The following SEC13 variants were observed in gnomAD, a reference collection of about 807,000 sequenced individuals.
SEC13 encodes the protein SEC13 homolog, nuclear pore and COPII component.
A neutral mutation model predicts 49.2 loss-of-function variants in SEC13; 25 were observed. The observed-to-expected ratio is 0.51, with a 90% CI of 0.37 to 0.71. SEC13 has a LOEUF of 0.71. Ranked by LOEUF, SEC13 falls within the 30% of genes least tolerant of loss-of-function variation. The pLI, the probability that SEC13 is intolerant of heterozygous loss-of-function variation, is 0.00. For synonymous variants in SEC13, 148 were observed against 163.9 expected (o/e 0.90, Z 0.74); for missense variants, 383 against 417.6 (o/e 0.92, Z 0.72).
Position 10,301,294 on chromosome 3 carries a change from T to C in SEC13, c.936A>G (p.Ala312=), listed in dbSNP as rs2125235355. The C allele has an allele frequency of 6.2e-7, 1 of 1,614,176 alleles. No homozygotes were observed. Among genetic ancestry groups the C allele is most frequent in the African/African-American group, 1.3e-5 (1 of 75,042 alleles). ...DVNKGQGSVS[A]SVTEGQQNEQ is the part of the protein sequence containing the mutation. ...CGTTCTGCTGGCCCTCTGTCACTGA[T>C]GCTGATACGGAGCCCTGGCCCTTGT... The change falls in exon 9 of 9, where the codon GCA becomes GCG. Residue 312 remains alanine (A), a synonymous_variant. Transcript: ENST00000350697.
In SEC13 at chr3:10,315,407, G is replaced by A; in HGVS notation, c.78C>T (p.Thr26=). The part of the protein sequence containing the change: ...IHDAQMDYYG[T]RLATCSSDRS... ...TGTCTGATGAGCAGGTTGCCAGGCG[G>A]GTGCCATAGTAGTCCATCTGGGCGT... is the stretch of plus-strand genomic sequence containing the variant. The change falls in exon 3 of 9, where the codon ACC becomes ACT. Residue 26 remains threonine, a synonymous_variant. Transcript: ENST00000350697. 1 of 1,493,726 alleles carries A rather than the reference G, an allele frequency of 6.7e-7. No individual in the cohort carries two copies. Among genetic ancestry groups the A allele is most frequent in the South Asian group, 1.1e-5 (1 of 89,596 alleles). The allele number at this position is 1,493,726 out of a possible 1,614,324, so 92.5% of individuals were successfully genotyped here.
chr3:10,310,223 G>A (rs1338113052), intron 5 of SEC13, among the ~76,000 whole-genome samples: 1 of 152,206 alleles, frequency 6.6e-6, no homozygotes, highest in Admixed American at 6.5e-5. Flanking sequence ...GGGTGTGGTG[G>A]CTTACACCTG....
chr3:10,312,995 G>T, intron 3 of SEC13: 1 of 419,814 alleles, frequency 2.4e-6, no homozygotes, highest in South Asian at 3.4e-5. Context: ...GGCCAGGCAG[G>T]AGCCTCACTT....
In SEC13 at chr3:10,301,050, C is replaced by T. The variant is rs1574855727; in HGVS notation, c.*211G>A. ...TTTGAACATCACTTGTAGTTTCTTC[C>T]TCGTAACATGAGTGCTTTCAGCTGG... On this transcript the variant is annotated 3_prime_UTR_variant, in exon 9 of 9. Coordinates refer to ENST00000350697, the MANE Select transcript of SEC13 (RefSeq NM_183352.3). 8 of 1,601,118 alleles carry T rather than the reference C, an allele frequency of 5.0e-6. No homozygotes were observed. The highest frequency in any genetic ancestry group is 4.3e-6 in the Non-Finnish European group (5 of 1,172,852).
chr3:10,305,586 C>T lies in SEC13; in HGVS notation c.557G>A (p.Gly186Asp). 6.2e-7 allele frequency: 1 copy of T among 1,614,090 alleles called. No homozygotes were observed. Among genetic ancestry groups the T allele is most frequent in the Non-Finnish European group, 8.5e-7 (1 of 1,180,020 alleles). The change falls in exon 6 of 9, where the codon GGC (glycine) becomes GAC (aspartate). Residue 186 changes from glycine to aspartate, a missense_variant. Transcript: ENST00000350697. ...CCACAGCTTGATGAGGTTGTCACAG[C>T]CACCTGATGCAAACCTCTTGATGTA... ...PNYIKRFASG[G>D]CDNLIKLWKE... is the part of the protein sequence containing the mutation.
intron 1 of SEC13, chr3:10,320,649 C>T: frequency 9.7e-7 from 1 of 1,027,282 alleles, no homozygotes; most frequent in Non-Finnish European, 1.2e-6. Context: ...CGTCTCCGAA[C>T]CTCAAGTGTC....
rs1574899511 is a variant in SEC13 at position 10,320,655 on chromosome 3, G to A, written c.3+395C>T. 7 of 1,035,946 alleles carry A rather than the reference G, an allele frequency of 6.8e-6. No homozygotes were observed. The East Asian group carries it at 5.5e-4, about 81-fold the overall frequency. 64.2% of individuals were successfully genotyped at this position (1,035,946 alleles called of 1,614,324 possible). ...GAGGCTCCACGTCTCCGAACCTCAA[G>A]TGTCCTCATCTGTAAAGTGTTGAGA... On this transcript the variant is annotated intron_variant, in intron 1 of 8. Transcript: ENST00000350697.
intron 1 of SEC13, 139 bp downstream of exon 1, chr3:10,320,911 G>C: frequency 1.4e-6 from 2 of 1,480,008 alleles, no homozygotes; most frequent in Non-Finnish European, 1.8e-6. Context: ...GACGGGGCCA[G>C]AGCCCCCCAA....
At chr3:10,311,834 G>A in intron 5 of SEC13, 131 bp downstream of exon 5, 2 of 1,573,496 alleles carry the variant, frequency 1.3e-6, no homozygotes, top group Non-Finnish European at 1.7e-6. Flanking sequence ...GAGCAATCAT[G>A]TCTGGTCAGC....
chr3:10,309,072 A>G (rs1701083745), intron 5 of SEC13, among the ~76,000 whole-genome samples: 2 of 150,362 alleles, frequency 1.3e-5, no homozygotes, highest in Admixed American at 6.7e-5. Flanking sequence ...CGAGTAGCTG[A>G]GATTACAGGT....
At chr3:10,305,334 G>T in intron 6 of SEC13, 178 bp from the exon 7 acceptor site, 1 of 1,132,040 alleles carries the variant, frequency 8.8e-7, no homozygotes, top group Non-Finnish European at 1.2e-6. Flanking sequence ...TCCAGAAAAT[G>T]CTCTGCTTCC....
At position 10,321,007 on chromosome 3, in the gene SEC13, C is replaced by G; in HGVS notation, c.3+43G>C. The G allele has an allele frequency of 6.2e-7, 1 of 1,608,996 alleles. No individual in the cohort carries two copies. The highest frequency in any genetic ancestry group is 1.1e-5 in the South Asian group (1 of 90,112). ...CCGAGGAACCCGTGAAGGCCGCGAC[C>G]GTGGCCTTCACCCTGCTAGGCCTCC... On this transcript the variant is annotated intron_variant, in intron 1 of 8. Coordinates refer to ENST00000350697, the MANE Select transcript of SEC13 (RefSeq NM_183352.3). The surrounding 1 kb of genome is among the most constrained non-coding windows in gnomAD (Gnocchi z 4.1).
intron 1 of SEC13, among the ~76,000 whole-genome samples, chr3:10,320,083 C>G (rs976596154): frequency 6.6e-6 from 1 of 152,116 alleles, no homozygotes; most frequent in Middle Eastern, 3.4e-3. Context: ...CCTGTTAACA[C>G]CTGCACTCAA....
Position 10,305,541 on chromosome 3 carries a change from C to T in SEC13, c.584+18G>A, listed in dbSNP as rs779539850. The T allele has an allele frequency of 6.2e-7, 1 of 1,612,392 alleles. No homozygotes were observed. The highest frequency in any genetic ancestry group is 1.1e-5 in the South Asian group (1 of 90,984). On this transcript the variant is annotated intron_variant, in intron 6 of 8. Coordinates refer to ENST00000350697, the MANE Select transcript of SEC13 (RefSeq NM_183352.3). Reference sequence around the variant, plus strand: ...TAGAAGTGTCCCCTCAAAGAGAAGGCCACACATCCCTACTTACTTCCACAG... The same window carrying T: ...TAGAAGTGTCCCCTCAAAGAGAAGGTCACACATCCCTACTTACTTCCACAG...
chr3:10,300,973 C>T lies in SEC13; in HGVS notation c.*288G>A. 1 of 1,079,484 alleles carries T rather than the reference C, an allele frequency of 9.3e-7. No individual in the cohort carries two copies. The highest frequency in any genetic ancestry group is 2.6e-5 in the East Asian group (1 of 38,552). The allele number at this position is 1,079,484 out of a possible 1,614,324, so 66.9% of individuals were successfully genotyped here. A position where few individuals can be genotyped will look rare whatever the true frequency, so the allele number is the denominator to read the frequency against. On this transcript the variant is annotated 3_prime_UTR_variant, in exon 9 of 9. Coordinates refer to ENST00000350697, the MANE Select transcript of SEC13 (RefSeq NM_183352.3). ...TTATTTAGTTCCTTTGGAAACAAAACCCCCCAAATAATGCCTGAACCCAAA... is the reference window on the plus strand; with the variant it reads ...TTATTTAGTTCCTTTGGAAACAAAATCCCCCAAATAATGCCTGAACCCAAA...
rs11540906 is a variant in SEC13, at chr3:10,312,003, C to T, written c.412G>A (p.Gly138Ser). ...TTGATCTTCTTTACTTCCCATTGGC[C>T]TTCCCCGGTGTAAGTCAGCAGGGAG... ...AISLLTYTGE[G>S]QWEVKKINNA... The change falls in exon 5 of 9, where the codon GGC (glycine) becomes AGC (serine). Residue 138 changes from glycine to serine, a missense_variant. Coordinates refer to ENST00000350697, the MANE Select transcript of SEC13 (RefSeq NM_183352.3). The T allele has an allele frequency of 4.3e-5, 70 of 1,614,092 alleles. No homozygotes were observed. Among genetic ancestry groups the T allele is most frequent in the Non-Finnish European group, 5.8e-5 (69 of 1,180,044 alleles).
At chr3:10,311,727 T>G in intron 5 of SEC13, 1 of 1,381,918 alleles carries the variant, frequency 7.2e-7, no homozygotes, top group Non-Finnish European at 9.4e-7. Context: ...AGGCTGCTGC[T>G]GCACCAGCCC....
chr3:10,311,540 G>A (rs1018223302), intron 5 of SEC13: 6 of 602,102 alleles, frequency 1.0e-5, no homozygotes, highest in Non-Finnish European at 1.3e-5. Flanking sequence ...ACTGTCACTC[G>A]CTGATTCACC....
At chr3:10,319,673 C>G (rs1444452077) in intron 1 of SEC13, among the ~76,000 whole-genome samples, 1 of 150,952 alleles carries the variant, frequency 6.6e-6, no homozygotes, top group East Asian at 1.9e-4. Flanking sequence ...TAGTTTCAAC[C>G]AGGTTACCAA....
Sources: gnomAD v4.1 joint callset for allele counts (sites outside exome capture counted in the v4.1 genomes callset) on GRCh38, gnomAD v4.1.1 for gene constraint, Gnocchi (gnomAD v3.1) non-coding constraint, MANE v1.5 for transcripts, NCBI Gene and HGNC (gene_info 2026-07-23, HGNC 2026-07-21) for gene names.